WASHC2C: variants seen among roughly 807,000 people sequenced by gnomAD.
WASHC2C encodes the protein WASH complex subunit 2C, also known as Vaccinia Penetration Factor.
In WASHC2C, 73 loss-of-function variants were observed where a neutral mutation model predicts 142.2. The ratio of observed to expected loss-of-function variants is 0.51; its 90% CI spans 0.43 to 0.62. WASHC2C has a LOEUF of 0.62. WASHC2C is among the 20% of genes least tolerant of loss of function. The probability of loss-of-function intolerance (pLI) is 0.00; values close to 1 mark genes in which losing one functional copy is unlikely to be tolerated. For missense variants in WASHC2C, 969 were observed against 1,531.7 expected, an observed-to-expected ratio of 0.63 and a Z score of 6.13; for synonymous variants, 337 against 565.5, an observed-to-expected ratio of 0.60 and a Z score of 5.73.
At position 45,728,938 on chromosome 10, in the gene WASHC2C, T is replaced by A. The variant is rs782527506; in HGVS notation, c.203T>A (p.Leu68Gln). Residue 68 changes from leucine to glutamine, a missense_variant, in exon 3 of 31, where the codon CTA (leucine) becomes CAA (glutamine). By Grantham distance (113) the Leu-to-Gln change is moderately radical (BLOSUM62 -2). Coordinates refer to ENST00000623400, the MANE Select transcript of WASHC2C (RefSeq NM_001330074.2). Reference sequence around the variant, plus strand: ...GAAATCAAGAAACAAGTGGACGGACTAATCCGGGAAACCAAAGCCACAGAT... The same window carrying A: ...GAAATCAAGAAACAAGTGGACGGACAAATCCGGGAAACCAAAGCCACAGAT... ...THEIKKQVDG[L>Q]IRETKATDCR... is the part of the protein sequence containing the mutation. 10 of 1,613,874 alleles carry A rather than the reference T, an allele frequency of 6.2e-6. No individual in the cohort carries two copies. Among genetic ancestry groups the A allele is most frequent in the Non-Finnish European group, 5.9e-6 (7 of 1,179,872 alleles).
intron 16 of WASHC2C, among the ~76,000 whole-genome samples, chr10:45,758,928 C>T (rs147688141): frequency 0.017 from 2,537 of 150,958 alleles, 29 homozygotes; most frequent in Non-Finnish European, 0.026. Context: ...CAGCTGGTCC[C>T]TCCTCTTTCT....
chr10:45,743,220 A>G (rs1554869178), intron 5 of WASHC2C, among the ~76,000 whole-genome samples, 170 bp from the exon 6 acceptor site: 1 of 152,192 alleles, frequency 6.6e-6, no homozygotes, highest in East Asian at 1.9e-4. Flanking sequence ...TAAAAAAATC[A>G]GTGAAAAAAA....
At chr10:45,744,427 G>A (rs1203661576) in intron 6 of WASHC2C, among the ~76,000 whole-genome samples, 3 of 142,596 alleles carry the variant, frequency 2.1e-5, no homozygotes, top group African/African-American at 5.2e-5. Flanking sequence ...TTTGCCGTTT[G>A]TCCCAGTGAC....
chr10:45,729,581 T>C lies in WASHC2C; in HGVS notation c.291+555T>C, dbSNP rs553117218. On this transcript the variant is annotated intron_variant, in intron 3 of 30. Coordinates refer to ENST00000623400, the MANE Select transcript of WASHC2C (RefSeq NM_001330074.2). The stretch of plus-strand genomic sequence containing the variant: ...GTTTCTTCTAGGTGGTAGGAATACA[T>C]AGGTAAATTAGATAGAGCCTCTCCC... Among the ~76,000 whole-genome samples, 12 of 152,028 alleles carry C rather than the reference T, an allele frequency of 7.9e-5. No homozygotes were observed. The East Asian group carries it at 1.2e-3, about 15-fold the overall frequency.
chr10:45,761,825 T>G (rs1463503237), intron 17 of WASHC2C, among the ~76,000 whole-genome samples: 1 of 152,208 alleles, frequency 6.6e-6, no homozygotes, highest in African/African-American at 2.4e-5. Context: ...GCAGAACCCT[T>G]TCTCTTGCCA....
intron 2 of WASHC2C, among the ~76,000 whole-genome samples, chr10:45,727,787 A>T (rs2133963583): frequency 6.6e-6 from 1 of 151,888 alleles, no homozygotes; most frequent in East Asian, 2.0e-4. Context: ...CTCCATCCGG[A>T]GGGGAGATCC....
At position 45,789,023 on chromosome 10, in the gene WASHC2C, G is replaced by C; in HGVS notation, c.3240G>C (p.Arg1080=). 1 of 1,612,008 alleles carries C rather than the reference G, an allele frequency of 6.2e-7. No individual in the cohort carries two copies. Among genetic ancestry groups the C allele is most frequent in the Non-Finnish European group, 8.5e-7 (1 of 1,179,852 alleles). Residue 1080 remains arginine (R), a synonymous_variant, in exon 29 of 31, where the codon CGG becomes CGC. Coordinates refer to ENST00000623400, the MANE Select transcript of WASHC2C (RefSeq NM_001330074.2). ...GCGCCATTTCCCCAAATGGCCATCG[G>C]CCACAGCTCAGAGCAGCCAGTGGAG... is the stretch of plus-strand genomic sequence containing the variant. ...ADGAISPNGH[R]PQLRAASGED...
chr10:45,751,224 C>T (rs376536798), intron 10 of WASHC2C, among the ~76,000 whole-genome samples: 9 of 151,290 alleles, frequency 5.9e-5, no homozygotes, highest in South Asian at 2.1e-4. Context: ...AAAGATAACA[C>T]AATAATTCTT....
chr10:45,786,495 A>G (rs1239513616), intron 26 of WASHC2C, 117 bp from the exon 27 acceptor site: 10 of 1,064,948 alleles, frequency 9.4e-6, no homozygotes, highest in Non-Finnish European at 1.5e-5. Context: ...TGCCTTTCCC[A>G]TTAAAGAGCT....
At chr10:45,732,132 A>T (rs1283560209) in intron 3 of WASHC2C, among the ~76,000 whole-genome samples, 1 of 152,092 alleles carries the variant, frequency 6.6e-6, no homozygotes, top group Non-Finnish European at 1.5e-5. Flanking sequence ...AATCCCTGAC[A>T]TCAGTACTTA....
At chr10:45,791,539 C>T (rs1277097994) in intron 30 of WASHC2C, among the ~76,000 whole-genome samples, 1 of 145,936 alleles carries the variant, frequency 6.9e-6, no homozygotes, top group Non-Finnish European at 1.5e-5. Context: ...CATGTCAGTA[C>T]GCAGAGATCT....
intron 23 of WASHC2C, among the ~76,000 whole-genome samples, chr10:45,779,396 G>A (rs1241435777): frequency 1.3e-5 from 2 of 150,988 alleles, no homozygotes; most frequent in East Asian, 3.8e-4. Context: ...GCAAAACTTT[G>A]CCCCTTGGCC....
At chr10:45,775,901 C>A (rs2057036116) in intron 21 of WASHC2C, among the ~76,000 whole-genome samples, 1 of 151,832 alleles carries the variant, frequency 6.6e-6, no homozygotes, top group Non-Finnish European at 1.5e-5. Context: ...AGGATGGTCT[C>A]GATCTCCTGA....
In WASHC2C at chr10:45,759,962, T is replaced by G. The variant is rs536221506; in HGVS notation, c.1635+561T>G. On this transcript the variant is annotated intron_variant, in intron 17 of 30. Coordinates refer to ENST00000623400, the MANE Select transcript of WASHC2C (RefSeq NM_001330074.2). The stretch of plus-strand genomic sequence containing the variant: ...CCTCTCTCTTTAGGATGCTCAGATT[T>G]TAAACTGTTCATGGGCTCATGATGT... Among the ~76,000 whole-genome samples the G allele has an allele frequency of 9.1e-4, 135 of 149,096 alleles. 1 individual carries two copies. The highest frequency in any genetic ancestry group is 3.4e-3 in the Middle Eastern group (1 of 294).
chr10:45,758,519 C>T (rs2054611565), intron 16 of WASHC2C, among the ~76,000 whole-genome samples: 1 of 151,848 alleles, frequency 6.6e-6, no homozygotes, highest in Admixed American at 6.6e-5. Context: ...TCTTTCTCTC[C>T]CCCTCCTTCC....
At chr10:45,754,046 T>A (rs1454696719) in intron 13 of WASHC2C, among the ~76,000 whole-genome samples, 1 of 151,692 alleles carries the variant, frequency 6.6e-6, no homozygotes, top group African/African-American at 2.4e-5. Flanking sequence ...ACTTGCTTGG[T>A]TTCCCCCTTT....
Position 45,750,143 on chromosome 10 carries a change from C to G in WASHC2C, c.780C>G (p.Asp260Glu). The G allele has an allele frequency of 1.9e-6, 3 of 1,611,428 alleles. No individual in the cohort carries two copies. The highest frequency in any genetic ancestry group is 2.5e-6 in the Non-Finnish European group (3 of 1,179,756). ...AGGAAGAGGATGATGATGGCTGTGA[C>G]CTTTTTGCTGACTCTGAGAAGGAGG... ...SDEEEDDDGC[D>E]LFADSEKEEE... The change falls in exon 9 of 31, where the codon GAC becomes GAG. Residue 260 changes from aspartate (D) to glutamate (E), a missense_variant. Coordinates refer to ENST00000623400, the MANE Select transcript of WASHC2C (RefSeq NM_001330074.2).
chr10:45,744,260 T>C (rs2052519269), intron 6 of WASHC2C, among the ~76,000 whole-genome samples: 1 of 147,688 alleles, frequency 6.8e-6, no homozygotes, highest in Admixed American at 6.8e-5. Flanking sequence ...GGTTTTACCA[T>C]GTTGGGCAGG....
At chr10:45,761,668 G>C (rs531318279) in intron 17 of WASHC2C, among the ~76,000 whole-genome samples, 1 of 152,294 alleles carries the variant, frequency 6.6e-6, no homozygotes, top group South Asian at 2.1e-4. Flanking sequence ...AGCTTGCCCT[G>C]TGAAGTCATT....
Sources: gnomAD v4.1 joint callset for allele counts (sites outside exome capture counted in the v4.1 genomes callset) on GRCh38, gnomAD v4.1.1 for gene constraint, MANE v1.5 for transcripts, NCBI Gene and HGNC (gene_info 2026-07-23, HGNC 2026-07-21) for gene names.